The following DMPK variants were observed in gnomAD, a reference collection of about 807,000 sequenced individuals.
The protein encoded by DMPK is myotonin-protein kinase.
DMPK carries 32 observed loss-of-function variants against 70.3 expected under a neutral mutation model. That is an observed-to-expected ratio of 0.46 (90% CI 0.34 to 0.61). DMPK has a LOEUF of 0.61. Ranked by LOEUF, DMPK falls within the 20% of genes least tolerant of loss-of-function variation. DMPK has a pLI of 0.01. For missense variants in DMPK, 899 were observed against 886.0 expected (o/e 1.01, Z -0.19); for synonymous variants, 469 against 390.9 (o/e 1.20, Z -2.36).
In DMPK at chr19:45,774,286, G is replaced by A. The variant is rs1390602360; in HGVS notation, c.1232+663C>T. 2.4e-5 allele frequency among the ~76,000 whole-genome samples: 3 copies of A among 123,454 alleles called. No homozygotes were observed. The Admixed American group carries it at 2.8e-4, about 12-fold the overall frequency. The allele number at this position is 123,454 out of a possible 152,430, so 81.0% of individuals were successfully genotyped here. A position where few individuals can be genotyped will look rare whatever the true frequency, so the allele number is the denominator to read the frequency against. On this transcript the variant is annotated intron_variant, in intron 9 of 14. Coordinates refer to ENST00000291270, the MANE Select transcript of DMPK (RefSeq NM_004409.5). ...ACTTTTTTTTTTTTTTTTTTGAGAC[G>A]GAGTCTTGCTCTGTCGCCCAGGCTG...
intron 8 of DMPK, 83 bp from the exon 9 acceptor site, chr19:45,775,117 C>A (rs1035648697): frequency 9.2e-6 from 10 of 1,090,414 alleles, no homozygotes; most frequent in African/African-American, 6.2e-5. Flanking sequence ...ATGTTCCCCC[C>A]AAACCAGCCC....
At chr19:45,772,342 C>T in intron 10 of DMPK, 2 of 372,836 alleles carry the variant, frequency 5.4e-6, no homozygotes, top group Non-Finnish European at 9.6e-6. Context: ...AAGGCCTTTG[C>T]CCTGGAGGCT....
rs1969340440 is a variant in DMPK, at chr19:45,770,644, C to G, written c.1738-4G>C. On this transcript the variant is annotated splice_polypyrimidine_tract_variant and splice_region_variant and intron_variant, in intron 14 of 14. Transcript: ENST00000291270. ...CCGATAGGCCAGGCCTAGGGACCTG[C>G]GGGGAGAGGGCGAGGTCAACACCCG... The G allele has an allele frequency of 3.2e-6, 5 of 1,550,802 alleles. No homozygotes were observed. The South Asian group carries it at 5.9e-5, about 18-fold the overall frequency.
rs535942229 is a variant in DMPK at position 45,770,080 on chromosome 19, T to C, written c.*408A>G. 4.5e-5 allele frequency: 23 copies of C among 509,638 alleles called. No individual in the cohort carries two copies. The East Asian group carries it at 7.1e-4, about 16-fold the overall frequency. The allele number at this position is 509,638 out of a possible 1,614,324, so 31.6% of individuals were successfully genotyped here. ...AGCTTTGCACTTTGCGAACCAACGA[T>C]AGGTGGGGGTGCGTGGAGGATGGAA... On this transcript the variant is annotated 3_prime_UTR_variant, in exon 15 of 15. Coordinates refer to ENST00000291270, the MANE Select transcript of DMPK (RefSeq NM_004409.5).
rs1212014468 is a variant in DMPK, at chr19:45,770,293, C to T, written c.*195G>A. 5.1e-6 allele frequency: 4 copies of T among 785,738 alleles called. 1 individual carries two copies. The highest frequency in any genetic ancestry group is 2.0e-5 in the African/African-American group (1 of 50,684). The allele number at this position is 785,738 out of a possible 1,614,324, so 48.7% of individuals were successfully genotyped here. A position where few individuals can be genotyped will look rare whatever the true frequency, so the allele number is the denominator to read the frequency against. ...TCCCGGCTACAAGGACCCTTCGAGCCCCGTTCGCCGGCCGCGGACCCGGCC... is the reference window on the plus strand; with the variant it reads ...TCCCGGCTACAAGGACCCTTCGAGCTCCGTTCGCCGGCCGCGGACCCGGCC... On this transcript the variant is annotated 3_prime_UTR_variant, in exon 15 of 15. Coordinates refer to ENST00000291270, the MANE Select transcript of DMPK (RefSeq NM_004409.5).
chr19:45,773,398 T>C (rs1969590672), intron 9 of DMPK, among the ~76,000 whole-genome samples: 1 of 152,194 alleles, frequency 6.6e-6, no homozygotes, highest in Non-Finnish European at 1.5e-5. Flanking sequence ...AGTTCATTAA[T>C]GATAAGGTAT....
chr19:45,775,062 C>A (rs764039581), intron 8 of DMPK, 28 bp from the exon 9 acceptor site: 4 of 1,595,270 alleles, frequency 2.5e-6, no homozygotes, highest in Middle Eastern at 1.7e-4. Context: ...ATGTGAGCAG[C>A]AGTCGTCAGG....
rs780885997 is a variant in DMPK at position 45,777,683 on chromosome 19, T to G, written c.866A>C (p.Lys289Thr). Reference protein sequence around the residue: ...YADSTAETYGKIVHYKEHLSL... With the variant: ...YADSTAETYGTIVHYKEHLSL... ...CGTGCTCACCTTGTAGTGGACGATC[T>G]TGCCATAGGTCTCCGCCGTGGAATC... is the stretch of plus-strand genomic sequence containing the variant. Residue 289 changes from lysine (K) to threonine (T), a missense_variant, in exon 7 of 15, where the codon AAG becomes ACG. This residue lies in a region of DMPK where 555 missense variants were observed against 483.8 expected (regional missense o/e 1.15). Transcript: ENST00000291270. The surrounding 1 kb of genome is among the most constrained non-coding windows in gnomAD (Gnocchi z 6.7). 1.2e-6 allele frequency: 2 copies of G among 1,614,018 alleles called. No homozygotes were observed. The highest frequency in any genetic ancestry group is 3.3e-5 in the Admixed American group (2 of 60,034).
chr19:45,771,706 G>C, intron 11 of DMPK, 41 bp from the exon 12 acceptor site: 1 of 1,611,770 alleles, frequency 6.2e-7, no homozygotes, highest in Non-Finnish European at 8.5e-7. Flanking sequence ...CGGGCCGGAC[G>C]AGAGGGGATG....
rs1481594867 is a variant in DMPK at position 45,777,635 on chromosome 19, G to C, written c.882+32C>G. Reference sequence around the variant, plus strand: ...GCGATAGCCTGGGAGCGCCTACCGGGAGAGGCCAGGTCTCCCTGCGGCCGT... The same window carrying C: ...GCGATAGCCTGGGAGCGCCTACCGGCAGAGGCCAGGTCTCCCTGCGGCCGT... On this transcript the variant is annotated intron_variant, in intron 7 of 14. Coordinates refer to ENST00000291270, the MANE Select transcript of DMPK (RefSeq NM_004409.5). This position sits in a 1 kb window ranked among gnomAD's most constrained non-coding sequence, Gnocchi z 6.7. 3.7e-6 allele frequency: 6 copies of C among 1,613,428 alleles called. No individual in the cohort carries two copies. In the Admixed American group the frequency reaches 1.0e-4, roughly 27 times the overall value.
rs1192745335 is a variant in DMPK, at chr19:45,772,064, C to T, written c.1345-136G>A. ...CAACATTTCTGGAATCCCCATAGCT[C>T]CTGCAATGATCCAAGCCCCCTCCCT... is the stretch of plus-strand genomic sequence containing the variant. On this transcript the variant is annotated intron_variant, in intron 10 of 14. Coordinates refer to ENST00000291270, the MANE Select transcript of DMPK (RefSeq NM_004409.5). 39 of 1,202,092 alleles carry T rather than the reference C, an allele frequency of 3.2e-5. No individual in the cohort carries two copies. The South Asian group carries it at 5.8e-4, about 18-fold the overall frequency. The allele number at this position is 1,202,092 out of a possible 1,614,324, so 74.5% of individuals were successfully genotyped here.
chr19:45,777,654 C>A lies in DMPK; in HGVS notation c.882+13G>T, dbSNP rs374895405. 8 of 1,613,828 alleles carry A rather than the reference C, an allele frequency of 5.0e-6. No homozygotes were observed. The Admixed American group carries it at 1.2e-4, about 24-fold the overall frequency. Reference sequence around the variant, plus strand: ...TACCGGGAGAGGCCAGGTCTCCCTGCGGCCGTGCTCACCTTGTAGTGGACG... The same window carrying A: ...TACCGGGAGAGGCCAGGTCTCCCTGAGGCCGTGCTCACCTTGTAGTGGACG... On this transcript the variant is annotated intron_variant, in intron 7 of 14. Transcript: ENST00000291270. This position sits in a 1 kb window ranked among gnomAD's most constrained non-coding sequence, Gnocchi z 6.7.
intron 2 of DMPK, 48 bp from the exon 3 acceptor site, chr19:45,779,570 G>A (rs781379548): frequency 6.2e-7 from 1 of 1,609,846 alleles, no homozygotes; most frequent in African/African-American, 1.3e-5. Flanking sequence ...GAAAACAAAA[G>A]GGCTCGCCCA....
At chr19:45,781,795 C>A (rs1431775970) in intron 1 of DMPK, among the ~76,000 whole-genome samples, 4 of 152,178 alleles carry the variant, frequency 2.6e-5, no homozygotes, top group African/African-American at 9.7e-5. Flanking sequence ...TTGCCCCAGG[C>A]CACAGGAAAC....
Position 45,770,673 on chromosome 19 carries a change from T to C in DMPK, c.1738-33A>G, listed in dbSNP as rs745749923. On this transcript the variant is annotated intron_variant, in intron 14 of 14. Coordinates refer to ENST00000291270, the MANE Select transcript of DMPK (RefSeq NM_004409.5). The stretch of plus-strand genomic sequence containing the variant: ...GAGAGGGCGAGGTCAACACCCGGCA[T>C]GGGCCTCTGATTGGCTCCTGGGACT... The C allele has an allele frequency of 7.8e-6, 12 of 1,546,300 alleles. No individual in the cohort carries two copies. The African/African-American group carries it at 8.2e-5, about 11-fold the overall frequency.
In DMPK at chr19:45,771,657, C is replaced by A; in HGVS notation, c.1511G>T (p.Arg504Leu). 1 of 1,613,970 alleles carries A rather than the reference C, an allele frequency of 6.2e-7. No homozygotes were observed. Among genetic ancestry groups the A allele is most frequent in the Non-Finnish European group, 8.5e-7 (1 of 1,179,930 alleles). Residue 504 changes from arginine to leucine, a missense_variant, in exon 12 of 15, where the codon CGC (arginine) becomes CTC (leucine). Physicochemically the swap from Arg to Leu is moderately radical, Grantham distance 102. Around this residue, in one of 3 missense-constraint regions of DMPK, gnomAD observed 555 missense variants for 483.8 expected, o/e 1.15. Coordinates refer to ENST00000291270, the MANE Select transcript of DMPK (RefSeq NM_004409.5). ...GTCCCGGTTCCGAGCCTCTGCCTCGCGTAGTTGACTGTGGGGAGGTAAGGA... is the reference window on the plus strand; with the variant it reads ...GTCCCGGTTCCGAGCCTCTGCCTCGAGTAGTTGACTGTGGGGAGGTAAGGA... ...TDNQNFASQL[R>L]EAEARNRDLE...
chr19:45,771,319 G>A (rs1406869285), intron 13 of DMPK, 31 bp downstream of exon 13: 17 of 1,577,408 alleles, frequency 1.1e-5, no homozygotes, highest in Non-Finnish European at 1.5e-5. Flanking sequence ...TGGGCAGCAG[G>A]TCTGAGGCAG....
chr19:45,772,731 G>A lies in DMPK; in HGVS notation c.1254C>T (p.Pro418=), dbSNP rs934091417. The change falls in exon 10 of 15, where the codon CCC becomes CCT. Residue 418 remains proline, a synonymous_variant. Transcript: ENST00000291270. The part of the protein sequence containing the change: ...MALRDSEVPG[P]TPMELEAEQL... ...GCTCGGCCTCCAGTTCCATGGGTGT[G>A]GGGCCTGGGACCTCACTGTCCCTGG... 4 of 1,508,544 alleles carry A rather than the reference G, an allele frequency of 2.7e-6. No homozygotes were observed. The highest frequency in any genetic ancestry group is 3.5e-6 in the Non-Finnish European group (4 of 1,140,290). The allele number at this position is 1,508,544 out of a possible 1,614,324, so 93.4% of individuals were successfully genotyped here.
At chr19:45,778,444 ACCCGG>A (rs1568583158) in intron 5 of DMPK, 44 bp downstream of exon 5, 1 of 1,596,476 alleles carries the variant, frequency 6.3e-7, no homozygotes, top group East Asian at 2.2e-5. Flanking sequence ...CCTTCCAAGA[ACCCGG>A]CCAGGGAACA....
Sources: gnomAD v4.1 joint callset for allele counts (sites outside exome capture counted in the v4.1 genomes callset) on GRCh38, gnomAD v4.1.1 for gene constraint, gnomAD v4.1.1 regional missense constraint, Gnocchi (gnomAD v3.1) non-coding constraint, MANE v1.5 for transcripts, NCBI Gene and HGNC (gene_info 2026-07-23, HGNC 2026-07-21) for gene names.